Variants in SLC16A12 observed in about 807,000 individuals in gnomAD.
SLC16A12 encodes the protein solute carrier family 16 member 12.
Under a neutral mutation model 42.4 loss-of-function variants are expected in SLC16A12, and 17 were observed. The ratio of observed to expected loss-of-function variants is 0.40; its 90% CI spans 0.27 to 0.60. The LOEUF is 0.60. Ranked by LOEUF, SLC16A12 falls within the 20% of genes least tolerant of loss-of-function variation. The probability of loss-of-function intolerance (pLI) is 0.42; values close to 1 mark genes in which losing one functional copy is unlikely to be tolerated. For missense variants in SLC16A12, 544 were observed against 623.0 expected (o/e 0.87, Z 1.35); for synonymous variants, 224 against 229.4 (o/e 0.98, Z 0.21).
intron 2 of SLC16A12, among the ~76,000 whole-genome samples, chr10:89,533,031 T>A (rs1300820074): frequency 6.6e-6 from 1 of 152,214 alleles, no homozygotes; most frequent in Non-Finnish European, 1.5e-5. Flanking sequence ...GAAATGTAAT[T>A]TCATTGACTC....
chr10:89,549,802 G>C (rs1043195823), intron 2 of SLC16A12, among the ~76,000 whole-genome samples: 1 of 152,144 alleles, frequency 6.6e-6, no homozygotes, highest in African/African-American at 2.4e-5. Flanking sequence ...TCAGCAGCCA[G>C]CATTGTAACA....
intron 2 of SLC16A12, among the ~76,000 whole-genome samples, chr10:89,547,966 CAA>C (rs60543445): frequency 0.23 from 18,661 of 81,118 alleles, 1,101 homozygotes; most frequent in East Asian, 0.44. Flanking sequence ...CCAGCCTGGG[CAA>C]AAAAAAAAAA....
intron 2 of SLC16A12, among the ~76,000 whole-genome samples, chr10:89,526,057 T>C (rs554012347): frequency 2.2e-4 from 33 of 152,182 alleles, no homozygotes; most frequent in African/African-American, 8.0e-4. Context: ...TTGTGCATGA[T>C]GCAGGGTTTT....
chr10:89,536,286 A>G (rs1199383195), upstream of SLC16A12, among the ~76,000 whole-genome samples: 1 of 152,088 alleles, frequency 6.6e-6, no homozygotes, highest in African/African-American at 2.4e-5. Context: ...AATCCTTCCC[A>G]TTTCACAGCA....
intron 6 of SLC16A12, among the ~76,000 whole-genome samples, chr10:89,438,095 G>T: frequency 6.6e-6 from 1 of 151,338 alleles, no homozygotes; most frequent in African/African-American, 2.4e-5. Context: ...CTTGTCTTGG[G>T]ATGGAATTAA....
At chr10:89,441,302 T>G in intron 4 of SLC16A12, 51 bp from the exon 5 acceptor site, 1 of 1,609,742 alleles carries the variant, frequency 6.2e-7, no homozygotes, top group Non-Finnish European at 8.5e-7. Context: ...GAGGGCACTG[T>G]GAAAGGCTGT....
rs544441854 is a variant in SLC16A12, at chr10:89,455,129, G to C, written c.200+7250C>G. On this transcript the variant is annotated intron_variant, in intron 3 of 7. Coordinates refer to ENST00000371790, the MANE Select transcript of SLC16A12 (RefSeq NM_213606.4). Reference sequence around the variant, plus strand: ...ACATGTGGTTAGGTGAGGTAAAGTAGGGATGTGAAGAAAATGAGTGTTACA... The same window carrying C: ...ACATGTGGTTAGGTGAGGTAAAGTACGGATGTGAAGAAAATGAGTGTTACA... 2.1e-3 allele frequency among the ~76,000 whole-genome samples: 322 copies of C among 152,234 alleles called. 2 individuals are homozygous for C. The highest frequency in any genetic ancestry group is 7.4e-3 in the African/African-American group (309 of 41,546).
chr10:89,457,921 C>T (rs1252739131), intron 3 of SLC16A12, among the ~76,000 whole-genome samples: 1 of 152,036 alleles, frequency 6.6e-6, no homozygotes, highest in African/African-American at 2.4e-5. Flanking sequence ...TCTGAGTTAT[C>T]CTAAAGATGG....
intron 3 of SLC16A12, among the ~76,000 whole-genome samples, chr10:89,447,104 T>C (rs1842016810): frequency 6.6e-6 from 1 of 152,106 alleles, no homozygotes. Context: ...CCCAAATTCA[T>C]AAAGCAAGGA....
chr10:89,519,582 T>G (rs1843315628), intron 2 of SLC16A12, among the ~76,000 whole-genome samples: 1 of 152,022 alleles, frequency 6.6e-6, no homozygotes, highest in Non-Finnish European at 1.5e-5. Flanking sequence ...GAGAGGGAAC[T>G]CACACCAGGG....
chr10:89,433,070 G>A lies in SLC16A12; in HGVS notation c.1545C>T (p.Leu515=), dbSNP rs1841717456. 1.2e-6 allele frequency: 2 copies of A among 1,614,008 alleles called. No individual in the cohort carries two copies. The highest frequency in any genetic ancestry group is 1.7e-5 in the Admixed American group (1 of 60,002). ...TGGGGCTCAAGGCCTTTGGTCATGT[G>A]AGGCTGTAGCCAGGCACTGCTGTAG... The part of the protein sequence containing the change: ...PVATAVPGYS[L]T The change falls in exon 8 of 8, where the codon CTC becomes CTT. Residue 515 remains leucine (L), a synonymous_variant. Transcript: ENST00000371790.
intron 3 of SLC16A12, among the ~76,000 whole-genome samples, chr10:89,454,606 A>C (rs1842154815): frequency 6.6e-6 from 1 of 150,700 alleles, no homozygotes; most frequent in Non-Finnish European, 1.5e-5. Flanking sequence ...GCCTCTTTTA[A>C]CACATCACCC....
At position 89,438,575 on chromosome 10, in the gene SLC16A12, G is replaced by A. The variant is rs574208009; in HGVS notation, c.1028+29C>T. ...CTCAAGGCTTAAAGTCCCCTGGTGG[G>A]GAACCAATTGTGGTTTCATGAATTT... On this transcript the variant is annotated intron_variant, in intron 6 of 7. Coordinates refer to ENST00000371790, the MANE Select transcript of SLC16A12 (RefSeq NM_213606.4). The A allele has an allele frequency of 3.7e-6, 6 of 1,605,348 alleles. No homozygotes were observed. The African/African-American group carries it at 8.0e-5, about 21-fold the overall frequency.
At chr10:89,479,472 C>T (rs1190452836) in intron 2 of SLC16A12, among the ~76,000 whole-genome samples, 2 of 152,220 alleles carry the variant, frequency 1.3e-5, no homozygotes, top group Non-Finnish European at 2.9e-5. Flanking sequence ...CAAAGTATTG[C>T]AACCCTACTT....
In SLC16A12 at chr10:89,462,564, A is replaced by G. The variant is rs760400524; in HGVS notation, c.15T>C (p.Ser5=). Residue 5 remains serine, a synonymous_variant, in exon 3 of 8, where the codon AGT becomes AGC. Transcript: ENST00000371790. ...TCTTGGAAGAGTTTGCTGTCCAGTGACTTCCTGATGGCATTCAAGGTTGGC... is the reference window on the plus strand; with the variant it reads ...TCTTGGAAGAGTTTGCTGTCCAGTGGCTTCCTGATGGCATTCAAGGTTGGC... MPSG[S]HWTANSSKII... The G allele has an allele frequency of 3.9e-5, 62 of 1,608,670 alleles. No individual in the cohort carries two copies. Among genetic ancestry groups the G allele is most frequent in the Non-Finnish European group, 4.9e-5 (58 of 1,179,004 alleles).
At chr10:89,511,453 C>T (rs1843160921) in intron 2 of SLC16A12, among the ~76,000 whole-genome samples, 1 of 152,136 alleles carries the variant, frequency 6.6e-6, no homozygotes, top group African/African-American at 2.4e-5. Flanking sequence ...ACTGGAAACC[C>T]ATCATTCTCA....
intron 3 of SLC16A12, among the ~76,000 whole-genome samples, chr10:89,448,646 T>C (rs1202397792): frequency 6.6e-6 from 1 of 152,152 alleles, no homozygotes; most frequent in Non-Finnish European, 1.5e-5. Context: ...CCACAGCCAA[T>C]ATCATTCTGA....
chr10:89,472,833 C>A (rs192491470), intron 2 of SLC16A12, among the ~76,000 whole-genome samples: 1 of 151,724 alleles, frequency 6.6e-6, no homozygotes, highest in Non-Finnish European at 1.5e-5. Flanking sequence ...TTATTATTTT[C>A]TTGAGACAGG....
chr10:89,499,520 A>C (rs1204672125), intron 2 of SLC16A12, among the ~76,000 whole-genome samples: 1 of 152,208 alleles, frequency 6.6e-6, no homozygotes, highest in Non-Finnish European at 1.5e-5. Context: ...TGCAAATACA[A>C]GGAAATTAAA....
Sources: allele counts gnomAD v4.1 joint callset (sites outside exome capture counted in the v4.1 genomes callset), GRCh38; gene constraint gnomAD v4.1.1; transcripts MANE v1.5; gene names NCBI Gene and HGNC (gene_info 2026-07-23, HGNC 2026-07-21).